MYOM1: variants seen among roughly 807,000 people sequenced by gnomAD.
MYOM1 encodes myomesin 1, also known as myomesin-1.
Under a neutral mutation model 205.3 loss-of-function variants are expected in MYOM1, and 164 were observed. That is an observed-to-expected ratio of 0.80 (90% CI 0.70 to 0.91). The LOEUF (loss-of-function observed/expected upper bound fraction) is 0.91. Ranked by LOEUF, MYOM1 falls within the 40% of genes least tolerant of loss-of-function variation. The pLI is 0.00. For missense variants in MYOM1, 2,011 were observed against 2,127.3 expected (o/e 0.95, Z 1.08); for synonymous variants, 772 against 789.4 (o/e 0.98, Z 0.37).
At chr18:3,171,423 C>T (rs2080554994) in intron 8 of MYOM1, among the ~76,000 whole-genome samples, 2 of 152,264 alleles carry the variant, frequency 1.3e-5, no homozygotes, top group South Asian at 4.1e-4. Flanking sequence ...CAAGTAGGTC[C>T]CCTAGAAACG....
intron 22 of MYOM1, among the ~76,000 whole-genome samples, chr18:3,104,331 A>G (rs1043290061): frequency 2.6e-5 from 4 of 152,206 alleles, no homozygotes; most frequent in African/African-American, 9.6e-5. Context: ...AAGTGAGGTA[A>G]TCTTGCTTTT....
chr18:3,110,552 T>C (rs1244048314), intron 22 of MYOM1, among the ~76,000 whole-genome samples: 1 of 152,320 alleles, frequency 6.6e-6, no homozygotes, highest in East Asian at 1.9e-4. Flanking sequence ...TTAGCTATTA[T>C]ATACCTGGTA....
intron 2 of MYOM1, among the ~76,000 whole-genome samples, chr18:3,195,557 A>C (rs1567962708): frequency 6.6e-6 from 1 of 151,800 alleles, no homozygotes; most frequent in African/African-American, 2.4e-5. Flanking sequence ...TAAGAGTTTC[A>C]TTTTTTCCCC....
intron 27 of MYOM1, among the ~76,000 whole-genome samples, chr18:3,090,215 G>A (rs182670978): frequency 3.3e-5 from 4 of 121,782 alleles, no homozygotes; most frequent in African/African-American, 1.2e-4. Flanking sequence ...ACTGAAAACT[G>A]TATTTTTTTT....
chr18:3,177,184 A>G (rs2080653371), intron 5 of MYOM1, among the ~76,000 whole-genome samples: 1 of 152,026 alleles, frequency 6.6e-6, no homozygotes, highest in Non-Finnish European at 1.5e-5. Context: ...GGCTGCAGTG[A>G]GCTATGATCG....
the MYOM1 span, among the ~76,000 whole-genome samples, chr18:3,234,609 C>T: frequency 1.3e-5 from 2 of 152,162 alleles, no homozygotes; most frequent in African/African-American, 4.8e-5. Flanking sequence ...ACCCAGCCCA[C>T]ACACAGTGAG....
intron 29 of MYOM1, among the ~76,000 whole-genome samples, chr18:3,086,973 T>C (rs1037997757): frequency 2.0e-5 from 3 of 152,118 alleles, no homozygotes; most frequent in Admixed American, 1.3e-4. Flanking sequence ...TACGTGACAA[T>C]ATACAGGTTT....
rs1567961713 is a variant in MYOM1, at chr18:3,193,799, G to T, written c.431+19C>A. 1 of 1,602,760 alleles carries T rather than the reference G, an allele frequency of 6.2e-7. No homozygotes were observed. Among genetic ancestry groups the T allele is most frequent in the East Asian group, 2.2e-5 (1 of 44,760 alleles). On this transcript the variant is annotated intron_variant, in intron 3 of 37. Transcript: ENST00000356443. Reference sequence around the variant, plus strand: ...TATACTTCTTAAAAATTAAAGCCAGGAAGAAAAAGCACACTCACCGTCCTG... The same window carrying T: ...TATACTTCTTAAAAATTAAAGCCAGTAAGAAAAAGCACACTCACCGTCCTG...
At chr18:3,227,815 C>CA in the MYOM1 span, among the ~76,000 whole-genome samples, 1 of 150,146 alleles carries the variant, frequency 6.7e-6, no homozygotes, top group Non-Finnish European at 1.5e-5. Context: ...GACTCCATCT[C>CA]AAAAAAAAAT....
rs961256187 is a variant in MYOM1, at chr18:3,164,583, CTGA to C, written c.1340-147_1340-145del. ...GAAGTCTCTAGGACTTTGAGCCATC[CTGA>C]TATGTTTACATTGGTAAAAATACTG... On this transcript the variant is annotated intron_variant, in intron 9 of 37. Transcript: ENST00000356443. 39 of 796,246 alleles carry C rather than the reference CTGA, an allele frequency of 4.9e-5. No individual in the cohort carries two copies. The African/African-American group carries it at 6.5e-4, about 13-fold the overall frequency. The allele number at this position is 796,246 out of a possible 1,614,324, so 49.3% of individuals were successfully genotyped here.
chr18:3,203,685 T>G (rs889189306), intron 2 of MYOM1, among the ~76,000 whole-genome samples: 6 of 151,194 alleles, frequency 4.0e-5, no homozygotes, highest in Admixed American at 3.9e-4. Context: ...GCTTCGCTAA[T>G]GAAGTCTATC....
intron 19 of MYOM1, among the ~76,000 whole-genome samples, chr18:3,122,791 T>G (rs2079715937): frequency 6.6e-6 from 1 of 152,164 alleles, no homozygotes. Flanking sequence ...AATCATATAA[T>G]CTTCTCAATA....
chr18:3,090,466 C>T (rs553843731), intron 27 of MYOM1, among the ~76,000 whole-genome samples, 192 bp downstream of exon 27: 2 of 152,152 alleles, frequency 1.3e-5, no homozygotes, highest in Admixed American at 6.5e-5. Flanking sequence ...GTGATCCACC[C>T]GCCTCGGCCT....
At chr18:3,238,354 C>T in the MYOM1 span, among the ~76,000 whole-genome samples, 1 of 152,054 alleles carries the variant, frequency 6.6e-6, no homozygotes, top group African/African-American at 2.4e-5. Flanking sequence ...ACAGACAAAG[C>T]ATCACTCCCT....
At chr18:3,110,856 G>A (rs899033432) in intron 22 of MYOM1, among the ~76,000 whole-genome samples, 8 of 150,812 alleles carry the variant, frequency 5.3e-5, no homozygotes, top group Middle Eastern at 3.4e-3. Flanking sequence ...AACAGTCCTC[G>A]TATGATTCTA....
chr18:3,102,428 C>T, intron 23 of MYOM1, 46 bp downstream of exon 23: 2 of 1,542,576 alleles, frequency 1.3e-6, no homozygotes, highest in South Asian at 1.3e-5. Context: ...CCTCATTCTC[C>T]TACAGTGAAA....
chr18:3,073,243 G>A (rs1394362235), intron 36 of MYOM1, among the ~76,000 whole-genome samples: 1 of 152,198 alleles, frequency 6.6e-6, no homozygotes, highest in Non-Finnish European at 1.5e-5. Flanking sequence ...CGAGGCACAG[G>A]ATGGGTGCTG....
chr18:3,079,630 T>C (rs1447159898), intron 33 of MYOM1, among the ~76,000 whole-genome samples: 1 of 151,098 alleles, frequency 6.6e-6, no homozygotes, highest in Non-Finnish European at 1.5e-5. Context: ...GCATTAATTA[T>C]CTTTGTTTTT....
chr18:3,163,459 T>G lies in MYOM1; in HGVS notation c.1501+819A>C, dbSNP rs1194009702. ...TTTACACTAGGTCTACTTTTTTTTTTGTTTTTCTTTTGAGACAGGGTCTCA... is the reference window on the plus strand; with the variant it reads ...TTTACACTAGGTCTACTTTTTTTTTGGTTTTTCTTTTGAGACAGGGTCTCA... On this transcript the variant is annotated intron_variant, in intron 10 of 37. Coordinates refer to ENST00000356443, the MANE Select transcript of MYOM1 (RefSeq NM_003803.4). Among the ~76,000 whole-genome samples, 10 of 151,810 alleles carry G rather than the reference T, an allele frequency of 6.6e-5. No individual in the cohort carries two copies. The East Asian group carries it at 1.7e-3, about 26-fold the overall frequency.
Sources: gnomAD v4.1 joint callset for allele counts (sites outside exome capture counted in the v4.1 genomes callset) on GRCh38, gnomAD v4.1.1 for gene constraint, MANE v1.5 for transcripts, NCBI Gene and HGNC (gene_info 2026-07-23, HGNC 2026-07-21) for gene names.